The following RSPH1 variants were observed in gnomAD, a reference collection of about 807,000 sequenced individuals.
RSPH1 encodes radial spoke head 1 homolog.
In RSPH1, 32 loss-of-function variants were observed where a neutral mutation model predicts 44.2. The ratio of observed to expected loss-of-function variants is 0.72; its 90% CI spans 0.55 to 0.97. The LOEUF (loss-of-function observed/expected upper bound fraction) is 0.97. Among genes scored for constraint, RSPH1 ranks in the 50% least tolerant of loss-of-function variants. The pLI is 0.00. For synonymous variants in RSPH1, 134 were observed against 147.3 expected (o/e 0.91, Z 0.65); for missense variants, 391 against 398.7 (o/e 0.98, Z 0.16).
intron 1 of RSPH1, 21 bp from the exon 2 acceptor site, chr21:42,493,100 C>G (rs115784313): frequency 2.4e-5 from 38 of 1,587,644 alleles, no homozygotes; most frequent in Admixed American, 5.0e-5. Flanking sequence ...AAAATTGACA[C>G]AATTACAGCT....
intron 3 of RSPH1, among the ~76,000 whole-genome samples, chr21:42,492,251 C>T (rs1337283799): frequency 1.3e-5 from 2 of 152,214 alleles, no homozygotes; most frequent in Non-Finnish European, 2.9e-5. Context: ...CCTCCTCAAA[C>T]ATAACATTGG....
In RSPH1 at chr21:42,475,944, C is replaced by T; in HGVS notation, c.831G>A (p.Glu277=). The change falls in exon 8 of 9, where the codon GAG becomes GAA. Residue 277 remains glutamate, a synonymous_variant. Coordinates refer to ENST00000291536, the MANE Select transcript of RSPH1 (RefSeq NM_080860.4). The part of the protein sequence containing the change: ...GDEDADVLRE[E]SREYDQEEFR... ...ACTCCTCCTGGTCATACTCCCGGCT[C>T]TCTTCCCGGAGGACGTCTGCATCTT... The T allele has an allele frequency of 1.2e-6, 2 of 1,612,296 alleles. No homozygotes were observed. The highest frequency in any genetic ancestry group is 1.7e-6 in the Non-Finnish European group (2 of 1,179,616).
chr21:42,477,073 A>T lies in RSPH1; in HGVS notation c.727+218T>A, dbSNP rs187889106. On this transcript the variant is annotated intron_variant, in intron 7 of 8. Transcript: ENST00000291536. ...CCACACCCTCTGCCCCCTCCACCCC[A>T]CAGCCCGGGGATGCCCCACACCCTC... Among the ~76,000 whole-genome samples the T allele has an allele frequency of 3.1e-3, 307 of 99,024 alleles. 8 individuals carry two copies. The highest frequency in any genetic ancestry group is 0.018 in the African/African-American group (289 of 16,328). The allele number at this position is 99,024 out of a possible 152,430, so 65.0% of individuals were successfully genotyped here. A position where few individuals can be genotyped will look rare whatever the true frequency, so the allele number is the denominator to read the frequency against.
chr21:42,478,988 G>A (rs2146646931), intron 6 of RSPH1, among the ~76,000 whole-genome samples: 1 of 152,336 alleles, frequency 6.6e-6, no homozygotes, highest in African/African-American at 2.4e-5. Context: ...GGGAGTTGTT[G>A]CTTAATAGGT....
At chr21:42,481,899 T>C (rs1272983067) in intron 6 of RSPH1, among the ~76,000 whole-genome samples, 1 of 152,096 alleles carries the variant, frequency 6.6e-6, no homozygotes, top group East Asian at 1.9e-4. Context: ...ATGTTAGATA[T>C]TGGAAAGGAA....
chr21:42,481,326 C>A lies in RSPH1; in HGVS notation c.573+1311G>T, dbSNP rs371528466. 1.5e-3 allele frequency among the ~76,000 whole-genome samples: 231 copies of A among 152,260 alleles called. 5 individuals carry two copies. Among genetic ancestry groups the A allele is most frequent in the African/African-American group, 5.1e-3 (210 of 41,538 alleles). ...TCCTGAGACCTCACCAGAGGCCAGG[C>A]AGTTGCGGGTGCCATGCTTCTTGTA... On this transcript the variant is annotated intron_variant, in intron 6 of 8. Transcript: ENST00000291536.
intron 3 of RSPH1, among the ~76,000 whole-genome samples, chr21:42,491,656 C>T (rs1198844236): frequency 6.6e-6 from 1 of 152,208 alleles, no homozygotes; most frequent in African/African-American, 2.4e-5. Context: ...CAATTTCTAT[C>T]TAACAGGGAT....
chr21:42,483,128 C>T (rs1403247374), intron 5 of RSPH1, among the ~76,000 whole-genome samples: 1 of 152,112 alleles, frequency 6.6e-6, no homozygotes, highest in Non-Finnish European at 1.5e-5. Flanking sequence ...AACTACTTCC[C>T]GTATTTACAA....
At chr21:42,476,236 A>G (rs924710191) in intron 7 of RSPH1, among the ~76,000 whole-genome samples, 189 bp from the exon 8 acceptor site, 9 of 150,216 alleles carry the variant, frequency 6.0e-5, no homozygotes, top group Non-Finnish European at 1.2e-4. Flanking sequence ...CCCAGTCCCC[A>G]CTGTAGTCAG....
rs558863901 is a variant in RSPH1, at chr21:42,482,712, C to T, written c.502-4G>A. On this transcript the variant is annotated splice_region_variant and splice_polypyrimidine_tract_variant and intron_variant, in intron 5 of 8. Transcript: ENST00000291536. ...CATACTTTCCAGGGCCAACAGGCTACGAGCAAAGAGAAACCATTCTTAAGT... is the reference window on the plus strand; with the variant it reads ...CATACTTTCCAGGGCCAACAGGCTATGAGCAAAGAGAAACCATTCTTAAGT... 13 of 1,609,866 alleles carry T rather than the reference C, an allele frequency of 8.1e-6. No homozygotes were observed. Among genetic ancestry groups the T allele is most frequent in the Admixed American group, 3.4e-5 (2 of 59,676 alleles).
chr21:42,493,165 G>C (rs2054253828), intron 1 of RSPH1, 86 bp from the exon 2 acceptor site: 5 of 1,101,624 alleles, frequency 4.5e-6, no homozygotes, highest in African/African-American at 1.5e-5. Flanking sequence ...TCATACCCTT[G>C]AGTCATCCCA....
At chr21:42,494,612 A>C (rs1015490382) in intron 1 of RSPH1, among the ~76,000 whole-genome samples, 22 of 152,168 alleles carry the variant, frequency 1.4e-4, no homozygotes, top group African/African-American at 4.8e-4. Flanking sequence ...AAAAGTTACA[A>C]ATCAGTGGGG....
intron 1 of RSPH1, among the ~76,000 whole-genome samples, chr21:42,495,624 C>T (rs990096505): frequency 6.6e-6 from 1 of 152,204 alleles, no homozygotes; most frequent in Non-Finnish European, 1.5e-5. Flanking sequence ...TGTGAGGATA[C>T]GCCTATAAGG....
intron 1 of RSPH1, among the ~76,000 whole-genome samples, chr21:42,493,585 C>G (rs1278121894): frequency 6.7e-6 from 1 of 150,278 alleles, no homozygotes; most frequent in Non-Finnish European, 1.5e-5. Context: ...CTGAAGAGAC[C>G]TTTGCCCTGC....
chr21:42,487,119 C>T (rs1047484362), intron 3 of RSPH1, among the ~76,000 whole-genome samples: 6 of 152,188 alleles, frequency 3.9e-5, no homozygotes, highest in East Asian at 1.9e-4. Context: ...CACCTCCATA[C>T]GGCTTCTGCT....
rs2054142586 is a variant in RSPH1 at position 42,482,779 on chromosome 21, C to A, written c.502-71G>T. 8 of 1,100,814 alleles carry A rather than the reference C, an allele frequency of 7.3e-6. No individual in the cohort carries two copies. In the South Asian group the frequency reaches 1.1e-4, roughly 15 times the overall value. The allele number at this position is 1,100,814 out of a possible 1,614,324, so 68.2% of individuals were successfully genotyped here. A position where few individuals can be genotyped will look rare whatever the true frequency, so the allele number is the denominator to read the frequency against. On this transcript the variant is annotated intron_variant, in intron 5 of 8. Coordinates refer to ENST00000291536, the MANE Select transcript of RSPH1 (RefSeq NM_080860.4). The stretch of plus-strand genomic sequence containing the variant: ...AAATACAAAATACAAATGTCACCAC[C>A]ACAATACCCACCTCAAATCACCAAA...
intron 5 of RSPH1, 49 bp downstream of exon 5, chr21:42,485,620 G>A (rs2054171470): frequency 6.2e-7 from 1 of 1,610,004 alleles, no homozygotes; most frequent in Non-Finnish European, 8.5e-7. Context: ...GGCTGCCAGA[G>A]GGGGTTATTT....
chr21:42,492,994 C>A lies in RSPH1; in HGVS notation c.140G>T (p.Ser47Ile). 6.2e-7 allele frequency: 1 copy of A among 1,614,220 alleles called. No individual in the cohort carries two copies. The highest frequency in any genetic ancestry group is 8.5e-7 in the Non-Finnish European group (1 of 1,180,038). ...GCCATGTCTTTTACCGAATTCGTAG[C>A]TCCCTTCGTAGGTGTCCCCGTTGGG... Reference protein sequence around the residue: ...RLPNGDTYEGSYEFGKRHGQG... With the variant: ...RLPNGDTYEGIYEFGKRHGQG... Residue 47 changes from serine to isoleucine, a missense_variant, in exon 2 of 9, where the codon AGC becomes ATC. Coordinates refer to ENST00000291536, the MANE Select transcript of RSPH1 (RefSeq NM_080860.4).
At chr21:42,482,299 G>T (rs1214515961) in intron 6 of RSPH1, among the ~76,000 whole-genome samples, 1 of 152,138 alleles carries the variant, frequency 6.6e-6, no homozygotes, top group Non-Finnish European at 1.5e-5. Context: ...GGCCAGTCTG[G>T]TCTCAAACTC....
Sources: allele counts gnomAD v4.1 joint callset (sites outside exome capture counted in the v4.1 genomes callset), GRCh38; gene constraint gnomAD v4.1.1; transcripts MANE v1.5; gene names NCBI Gene and HGNC (gene_info 2026-07-23, HGNC 2026-07-21).